RARB: variants seen among roughly 807,000 people sequenced by gnomAD.
The protein encoded by RARB is retinoic acid receptor beta, also known as HBV-activated protein.
Under a neutral mutation model 51.9 loss-of-function variants are expected in RARB, and 17 were observed. The observed-to-expected ratio is 0.33, with a 90% CI of 0.22 to 0.49. RARB has a LOEUF of 0.49. Among genes scored for constraint, RARB ranks in the 20% least tolerant of loss-of-function variants. The pLI is 0.99. For synonymous variants in RARB, 215 were observed against 195.4 expected, an observed-to-expected ratio of 1.10 and a Z score of -0.84; for missense variants, 369 against 550.8, an observed-to-expected ratio of 0.67 and a Z score of 3.30.
intron 5 of RARB, among the ~76,000 whole-genome samples, chr3:25,180,653 A>T (rs1006215393): frequency 6.6e-6 from 1 of 152,162 alleles, no homozygotes; most frequent in African/African-American, 2.4e-5. Flanking sequence ...CTTGTCACTG[A>T]CGTGATGCAG....
intron 3 of RARB, among the ~76,000 whole-genome samples, chr3:25,078,419 G>A (rs938955809): frequency 1.3e-4 from 19 of 151,778 alleles, no homozygotes; most frequent in African/African-American, 1.7e-4. Flanking sequence ...GACCATTTAC[G>A]TGTGGTTCTA....
At chr3:24,952,425 A>C (rs1346998650) in intron 2 of RARB, among the ~76,000 whole-genome samples, 2 of 152,116 alleles carry the variant, frequency 1.3e-5, no homozygotes, top group Non-Finnish European at 2.9e-5. Context: ...ATTCTTTTCT[A>C]GGTTTTCCTT....
intron 2 of RARB, among the ~76,000 whole-genome samples, chr3:24,974,533 G>A (rs1307082821): frequency 6.6e-6 from 1 of 151,794 alleles, no homozygotes; most frequent in African/African-American, 2.4e-5. Flanking sequence ...ATAGGCCTCT[G>A]AAAAAAAGGT....
intron 2 of RARB, among the ~76,000 whole-genome samples, chr3:25,019,604 C>A (rs188287571): frequency 5.9e-5 from 9 of 152,220 alleles, no homozygotes; most frequent in Middle Eastern, 3.4e-3. Context: ...GGCTTTTTAT[C>A]TGTGCCTCAG....
At chr3:25,511,233 C>T (rs923743376) in intron 3 of RARB, among the ~76,000 whole-genome samples, 7 of 152,116 alleles carry the variant, frequency 4.6e-5, no homozygotes, top group African/African-American at 9.6e-5. Context: ...CCTGGGTTCA[C>T]GCCATTCTCC....
intron 3 of RARB, among the ~76,000 whole-genome samples, chr3:25,086,631 C>T (rs1412897230): frequency 2.6e-5 from 4 of 151,894 alleles, no homozygotes; most frequent in Non-Finnish European, 5.9e-5. Context: ...AGTCATAAGA[C>T]ATCAACCAAT....
intron 2 of RARB, among the ~76,000 whole-genome samples, chr3:24,910,188 T>C (rs1694961501): frequency 2.0e-5 from 3 of 152,168 alleles, no homozygotes; most frequent in Non-Finnish European, 4.4e-5. Context: ...TAAATATAAT[T>C]TCACATTGAA....
At chr3:25,139,719 G>T (rs1389026953) in intron 4 of RARB, among the ~76,000 whole-genome samples, 2 of 152,152 alleles carry the variant, frequency 1.3e-5, no homozygotes, top group Non-Finnish European at 1.5e-5. Flanking sequence ...CTATGTAGAG[G>T]AAACAACCTT....
rs139761541 is a variant in RARB, at chr3:24,980,859, A to G, written c.-379-79266A>G. ...GAGAAGAGGCATTCAGGTTTTTGGA[A>G]TTTTCAGCCTTTCTGCTCTGGTTTC... On this transcript the variant is annotated intron_variant, in intron 2 of 11. Coordinates refer to the RARB transcript ENST00000383772. Among the ~76,000 whole-genome samples the G allele has an allele frequency of 3.9e-3, 589 of 152,026 alleles. 3 individuals carry two copies. The highest frequency in any genetic ancestry group is 0.017 in the Middle Eastern group (5 of 294).
intron 3 of RARB, among the ~76,000 whole-genome samples, chr3:25,546,853 C>T (rs1699639425): frequency 6.6e-6 from 1 of 151,898 alleles, no homozygotes; most frequent in East Asian, 1.9e-4. Context: ...TTTTCCTTAC[C>T]TCATGTTTTA....
chr3:25,444,231 G>A (rs1289093691), intron 1 of RARB, among the ~76,000 whole-genome samples: 1 of 152,130 alleles, frequency 6.6e-6, no homozygotes, highest in Non-Finnish European at 1.5e-5. Flanking sequence ...TGAATCTCCC[G>A]AGTAGGAGAA....
At chr3:25,046,170 A>G (rs1174223734) in intron 2 of RARB, among the ~76,000 whole-genome samples, 1 of 152,270 alleles carries the variant, frequency 6.6e-6, no homozygotes, top group South Asian at 2.1e-4. Context: ...AGGCATGGAG[A>G]AAAAAACCGC....
chr3:25,155,046 C>A (rs1700351872), intron 4 of RARB, among the ~76,000 whole-genome samples: 1 of 152,194 alleles, frequency 6.6e-6, no homozygotes, highest in Non-Finnish European at 1.5e-5. Flanking sequence ...ATTCTCACAT[C>A]CAATTCTGTT....
chr3:25,085,559 T>G (rs1043076918), intron 3 of RARB, among the ~76,000 whole-genome samples: 1 of 152,168 alleles, frequency 6.6e-6, no homozygotes, highest in Non-Finnish European at 1.5e-5. Flanking sequence ...TGTCAATTTT[T>G]CTTTATACCA....
intron 5 of RARB, among the ~76,000 whole-genome samples, chr3:25,383,276 C>A (rs769033076): frequency 1.3e-5 from 2 of 152,206 alleles, no homozygotes; most frequent in Non-Finnish European, 2.9e-5. Flanking sequence ...GCAATTTACA[C>A]TTCACTGTGT....
chr3:25,055,160 T>C (rs1055222522), intron 2 of RARB, among the ~76,000 whole-genome samples: 2 of 152,202 alleles, frequency 1.3e-5, no homozygotes, highest in African/African-American at 4.8e-5. Flanking sequence ...AGAAATATTA[T>C]TCAAAATTTA....
In RARB at chr3:25,009,565, T is replaced by A. The variant is rs543071215; in HGVS notation, c.-379-50560T>A. 2.8e-4 allele frequency among the ~76,000 whole-genome samples: 42 copies of A among 152,158 alleles called. 1 individual carries two copies. The South Asian group carries it at 8.3e-3, about 30-fold the overall frequency. ...TTCAGGTCATTCCCTTAGGAGTAGG[T>A]GTCTCTGTAATTGTCACAGGGAGTC... is the stretch of plus-strand genomic sequence containing the variant. On this transcript the variant is annotated intron_variant, in intron 2 of 11. Transcript: ENST00000383772.
At chr3:24,900,560 G>T (rs902119000) in intron 2 of RARB, among the ~76,000 whole-genome samples, 4 of 152,190 alleles carry the variant, frequency 2.6e-5, no homozygotes, top group Admixed American at 2.6e-4. Context: ...AATAACATTA[G>T]AAACTGTTAA....
intron 2 of RARB, among the ~76,000 whole-genome samples, chr3:25,007,960 C>A (rs1697311930): frequency 6.6e-6 from 1 of 151,940 alleles, no homozygotes; most frequent in Non-Finnish European, 1.5e-5. Context: ...TCATTGTATG[C>A]CTGACTCACA....
Sources: allele counts gnomAD v4.1 joint callset (sites outside exome capture counted in the v4.1 genomes callset), GRCh38; gene constraint gnomAD v4.1.1; transcripts MANE v1.5; gene names NCBI Gene and HGNC (gene_info 2026-07-23, HGNC 2026-07-21).